PRICKLE1: variants seen among roughly 807,000 people sequenced by gnomAD.
PRICKLE1 encodes prickle planar cell polarity protein 1.
In PRICKLE1, 14 loss-of-function variants were observed where a neutral mutation model predicts 70.2. The observed-to-expected ratio is 0.20, with a 90% CI of 0.13 to 0.31. PRICKLE1 has a LOEUF of 0.31. Among genes scored for constraint, PRICKLE1 ranks in the 10% least tolerant of loss-of-function variants. PRICKLE1 has a pLI of 1.00. For missense variants in PRICKLE1, 821 were observed against 1,026.2 expected (o/e 0.80, Z 2.73); for synonymous variants, 357 against 379.9 (o/e 0.94, Z 0.70).
chr12:42,468,526 A>G (rs1470059316), intron 5 of PRICKLE1, 100 bp downstream of exon 5: 1 of 1,073,844 alleles, frequency 9.3e-7, no homozygotes, highest in Non-Finnish European at 1.4e-6. Flanking sequence ...ACACAGAACA[A>G]AATCCAGGAA....
intron 1 of PRICKLE1, among the ~76,000 whole-genome samples, chr12:42,575,621 G>C (rs1940791543): frequency 6.6e-6 from 1 of 152,044 alleles, no homozygotes; most frequent in Admixed American, 6.6e-5. Context: ...TTAAACCTGG[G>C]AGGTGGAGGT....
chr12:42,551,921 C>A (rs1317759902), intron 1 of PRICKLE1, among the ~76,000 whole-genome samples: 2 of 152,182 alleles, frequency 1.3e-5, no homozygotes, highest in African/African-American at 4.8e-5. Flanking sequence ...CACTATATTT[C>A]TATGATGTTT....
intron 1 of PRICKLE1, among the ~76,000 whole-genome samples, chr12:42,582,633 C>T (rs1425923972): frequency 2.0e-5 from 3 of 152,158 alleles, no homozygotes; most frequent in African/African-American, 7.2e-5. Context: ...TGTGTACAAT[C>T]GAACATCCTC....
intron 1 of PRICKLE1, among the ~76,000 whole-genome samples, chr12:42,548,788 G>A (rs1940255699): frequency 6.6e-6 from 1 of 152,092 alleles, no homozygotes; most frequent in Admixed American, 6.5e-5. Context: ...TGACAAGGAT[G>A]CAAATATGAG....
At chr12:42,545,159 A>G (rs1940185568) in intron 1 of PRICKLE1, among the ~76,000 whole-genome samples, 1 of 152,058 alleles carries the variant, frequency 6.6e-6, no homozygotes, top group Non-Finnish European at 1.5e-5. Context: ...GCGCATCACC[A>G]TGCCCAGCTA....
intron 1 of PRICKLE1, among the ~76,000 whole-genome samples, chr12:42,476,111 A>AG (rs1309420865): frequency 6.9e-6 from 1 of 144,366 alleles, no homozygotes; most frequent in Non-Finnish European, 1.5e-5. Flanking sequence ...AAAAAAAAAA[A>AG]GTTATATGGC....
intron 1 of PRICKLE1, among the ~76,000 whole-genome samples, chr12:42,490,915 G>T (rs1359260874): frequency 6.6e-6 from 1 of 151,816 alleles, no homozygotes; most frequent in Non-Finnish European, 1.5e-5. Context: ...CTGTCACTCA[G>T]GCTGGAGTGC....
At chr12:42,550,646 T>A (rs1940299517) in intron 1 of PRICKLE1, among the ~76,000 whole-genome samples, 1 of 152,214 alleles carries the variant, frequency 6.6e-6, no homozygotes, top group South Asian at 2.1e-4. Context: ...TTTCAACTGC[T>A]ACTCAGATTT....
Position 42,468,683 on chromosome 12 carries a change from A to T in PRICKLE1, c.531T>A (p.Ile177=). 6.2e-7 allele frequency: 1 copy of T among 1,614,108 alleles called. No individual in the cohort carries two copies. Among genetic ancestry groups the T allele is most frequent in the African/African-American group, 1.3e-5 (1 of 75,026 alleles). ...DLIYFYQDGK[I]HCGRHHAELL... is the part of the protein sequence containing the mutation. ...GTTCTGCATGGTGCCTGCCACAGTGAATTTTTCCATCCTGATAAAAATAGA... is the reference window on the plus strand; with the variant it reads ...GTTCTGCATGGTGCCTGCCACAGTGTATTTTTCCATCCTGATAAAAATAGA... The change falls in exon 5 of 8, where the codon ATT becomes ATA. Residue 177 remains isoleucine (I), a synonymous_variant. Transcript: ENST00000345127.
At chr12:42,521,914 AGTTT>A (rs1050066431) in intron 1 of PRICKLE1, among the ~76,000 whole-genome samples, 3 of 136,810 alleles carry the variant, frequency 2.2e-5, no homozygotes, top group Non-Finnish European at 3.1e-5. Flanking sequence ...AAGTGAAATC[AGTTT>A]GTTTGTTTTT....
chr12:42,584,927 G>T (rs924038572), intron 1 of PRICKLE1, among the ~76,000 whole-genome samples: 3 of 152,104 alleles, frequency 2.0e-5, no homozygotes, highest in African/African-American at 7.2e-5. Flanking sequence ...AGAAGCACAC[G>T]CAAAGCAGAA....
intron 2 of PRICKLE1, 137 bp from the exon 3 acceptor site, chr12:42,470,496 A>G: frequency 1.4e-6 from 1 of 694,188 alleles, no homozygotes; most frequent in Non-Finnish European, 2.6e-6. Context: ...GAGCCAACTC[A>G]GCAGAACTGC....
At position 42,464,552 on chromosome 12, in the gene PRICKLE1, A is replaced by G. The variant is rs1162928692; in HGVS notation, c.1482T>C (p.Ser494=). 6.2e-7 allele frequency: 1 copy of G among 1,613,584 alleles called. No individual in the cohort carries two copies. The highest frequency in any genetic ancestry group is 8.5e-7 in the Non-Finnish European group (1 of 1,179,954). Reference sequence around the variant, plus strand: ...CCAGTTCCAATTCCTGAAGCCTTCTACTGCTTGCAGGGCCTGGGTGGCTGC... The same window carrying G: ...CCAGTTCCAATTCCTGAAGCCTTCTGCTGCTTGCAGGGCCTGGGTGGCTGC... ...AYGSHPGPAS[S]RRLQELELDH... is the part of the protein sequence containing the mutation. The change falls in exon 7 of 8, where the codon AGT becomes AGC. Residue 494 remains serine, a synonymous_variant. Coordinates refer to ENST00000345127, the MANE Select transcript of PRICKLE1 (RefSeq NM_153026.3). The surrounding 1 kb of genome is among the most constrained non-coding windows in gnomAD (Gnocchi z 4.2).
At chr12:42,512,468 G>A (rs911778309) in intron 1 of PRICKLE1, among the ~76,000 whole-genome samples, 5 of 151,372 alleles carry the variant, frequency 3.3e-5, no homozygotes, top group African/African-American at 1.2e-4. Context: ...GAGGCACCGT[G>A]CCCAGCTGGA....
intron 1 of PRICKLE1, among the ~76,000 whole-genome samples, chr12:42,551,936 C>T (rs1448121714): frequency 2.0e-5 from 3 of 152,162 alleles, no homozygotes; most frequent in Non-Finnish European, 2.9e-5. Context: ...ATGTTTAAAA[C>T]TACTACAGTC....
At chr12:42,481,175 T>C (rs1470039730) in intron 1 of PRICKLE1, among the ~76,000 whole-genome samples, 2 of 152,192 alleles carry the variant, frequency 1.3e-5, no homozygotes, top group Non-Finnish European at 2.9e-5. Flanking sequence ...ATGAGTTTAA[T>C]CAGATACATA....
chr12:42,503,541 T>C (rs1424028542), intron 1 of PRICKLE1, among the ~76,000 whole-genome samples: 1 of 152,154 alleles, frequency 6.6e-6, no homozygotes, highest in Non-Finnish European at 1.5e-5. Context: ...TACAGAATGA[T>C]CATGAGAGAT....
In PRICKLE1 at chr12:42,459,737, T is replaced by C; in HGVS notation, c.*72A>G. 6.3e-7 allele frequency: 1 copy of C among 1,578,258 alleles called. No homozygotes were observed. Among genetic ancestry groups the C allele is most frequent in the Non-Finnish European group, 8.7e-7 (1 of 1,149,628 alleles). On this transcript the variant is annotated 3_prime_UTR_variant, in exon 8 of 8. Transcript: ENST00000345127. ...CTTTAAACTATTTTCACAACTTTCC[T>C]ACGGAAGAAAAGGAAACGATTCAGA... is the stretch of plus-strand genomic sequence containing the variant.
At chr12:42,476,618 T>C (rs1938546733) in intron 1 of PRICKLE1, among the ~76,000 whole-genome samples, 1 of 151,922 alleles carries the variant, frequency 6.6e-6, no homozygotes, top group African/African-American at 2.4e-5. Context: ...ACCTGGCTTC[T>C]AGCAACTTAT....
Sources: allele counts gnomAD v4.1 joint callset (sites outside exome capture counted in the v4.1 genomes callset), GRCh38; gene constraint gnomAD v4.1.1; non-coding constraint Gnocchi (gnomAD v3.1); transcripts MANE v1.5; gene names NCBI Gene and HGNC (gene_info 2026-07-23, HGNC 2026-07-21).